Variants in PREP observed in about 807,000 individuals in gnomAD.
PREP encodes the protein prolyl endopeptidase.
In PREP, 29 loss-of-function variants were observed where a neutral mutation model predicts 87.6. The ratio of observed to expected loss-of-function variants is 0.33; its 90% CI spans 0.25 to 0.45. PREP has a LOEUF of 0.45. Ranked by LOEUF, PREP falls within the 20% of genes least tolerant of loss-of-function variation. The probability of loss-of-function intolerance (pLI) is 1.00; values close to 1 mark genes in which losing one functional copy is unlikely to be tolerated. For missense variants in PREP, 695 were observed against 886.5 expected, an observed-to-expected ratio of 0.78 and a Z score of 2.74; for synonymous variants, 337 against 328.6, an observed-to-expected ratio of 1.03 and a Z score of -0.28.
At chr6:105,309,823 G>C (rs1046048513) in intron 10 of PREP, among the ~76,000 whole-genome samples, 3 of 152,134 alleles carry the variant, frequency 2.0e-5, no homozygotes, top group Non-Finnish European at 4.4e-5. Flanking sequence ...CTTCTCAAGG[G>C]AACTTGTTTC....
intron 2 of PREP, among the ~76,000 whole-genome samples, chr6:105,382,031 G>A (rs1053709683): frequency 6.6e-5 from 10 of 151,986 alleles, no homozygotes; most frequent in African/African-American, 2.4e-4. Context: ...AAATACTGCA[G>A]TCCTACGAAA....
chr6:105,293,601 TA>T (rs199738673), intron 10 of PREP, among the ~76,000 whole-genome samples: 36,997 of 130,390 alleles, frequency 0.28, 4,471 homozygotes, highest in Middle Eastern at 0.36. Flanking sequence ...CTTCAATTTG[TA>T]AAAAAAAAAA....
intron 6 of PREP, among the ~76,000 whole-genome samples, chr6:105,363,151 GA>G (rs113349380): frequency 0.045 from 6,829 of 150,828 alleles, 234 homozygotes; most frequent in Middle Eastern, 0.082. Flanking sequence ...GATTACTTTT[GA>G]AAAAAAAACT....
chr6:105,339,197 G>A (rs561504186), intron 7 of PREP, among the ~76,000 whole-genome samples: 2 of 152,320 alleles, frequency 1.3e-5, no homozygotes, highest in East Asian at 3.9e-4. Flanking sequence ...TCCAGAGGAA[G>A]GATCAGGCAG....
intron 6 of PREP, among the ~76,000 whole-genome samples, chr6:105,366,927 G>A (rs1344272052): frequency 6.6e-6 from 1 of 152,210 alleles, no homozygotes; most frequent in East Asian, 1.9e-4. Flanking sequence ...GGTGATGGCA[G>A]TGGTGGGTGG....
intron 2 of PREP, among the ~76,000 whole-genome samples, chr6:105,391,218 T>C (rs1346591798): frequency 6.6e-6 from 1 of 151,700 alleles, no homozygotes; most frequent in Non-Finnish European, 1.5e-5. Flanking sequence ...CCGTCTCTAC[T>C]AAAAATACAA....
chr6:105,328,480 TCTTGAC>T (rs1771232419), intron 9 of PREP, among the ~76,000 whole-genome samples: 1 of 152,142 alleles, frequency 6.6e-6, no homozygotes, highest in South Asian at 2.1e-4. Flanking sequence ...GGTCTCAATC[TCTTGAC>T]CTTGTGACCC....
chr6:105,374,573 A>G (rs2114710179), intron 4 of PREP, among the ~76,000 whole-genome samples: 2 of 149,250 alleles, frequency 1.3e-5, no homozygotes, highest in South Asian at 4.2e-4. Flanking sequence ...CTAGAAAGTG[A>G]TAGGAAAAAG....
chr6:105,373,998 T>A (rs921128834), intron 4 of PREP, among the ~76,000 whole-genome samples: 5 of 152,190 alleles, frequency 3.3e-5, no homozygotes, highest in African/African-American at 1.2e-4. Flanking sequence ...TACCATATAA[T>A]AGAACTAAAT....
chr6:105,341,703 G>T (rs564681411), intron 7 of PREP, among the ~76,000 whole-genome samples: 4 of 152,126 alleles, frequency 2.6e-5, no homozygotes, highest in Non-Finnish European at 4.4e-5. Flanking sequence ...ATGATAAAGG[G>T]GATATCACCA....
intron 7 of PREP, among the ~76,000 whole-genome samples, chr6:105,339,260 C>T (rs1771567416): frequency 6.6e-6 from 1 of 152,088 alleles, no homozygotes; most frequent in African/African-American, 2.4e-5. Context: ...ACTGGTAATA[C>T]CCAGGCAAAC....
chr6:105,383,191 A>T (rs1359312015), intron 2 of PREP, among the ~76,000 whole-genome samples: 1 of 152,070 alleles, frequency 6.6e-6, no homozygotes, highest in African/African-American at 2.4e-5. Context: ...AAATGGAAAC[A>T]ATAAAAGATT....
At chr6:105,319,450 T>C (rs965180870) in intron 10 of PREP, among the ~76,000 whole-genome samples, 15 of 152,182 alleles carry the variant, frequency 9.9e-5, no homozygotes, top group African/African-American at 3.6e-4. Context: ...GAAAAGCCAA[T>C]CTCTAGCTGG....
At chr6:105,368,585 C>G (rs1197656200) in intron 6 of PREP, among the ~76,000 whole-genome samples, 1 of 152,158 alleles carries the variant, frequency 6.6e-6, no homozygotes, top group Non-Finnish European at 1.5e-5. Flanking sequence ...CCACACTCAC[C>G]TCTGAGAGGC....
chr6:105,395,212 T>C (rs1325524038), intron 2 of PREP, among the ~76,000 whole-genome samples: 1 of 152,220 alleles, frequency 6.6e-6, no homozygotes, highest in African/African-American at 2.4e-5. Flanking sequence ...GAGTGGGGGC[T>C]GGCCCAGGGT....
At chr6:105,395,903 T>C (rs1773275616) in intron 2 of PREP, among the ~76,000 whole-genome samples, 1 of 152,220 alleles carries the variant, frequency 6.6e-6, no homozygotes, top group African/African-American at 2.4e-5. Flanking sequence ...TTCTAGCCAG[T>C]ACAGGTTATG....
chr6:105,377,592 G>T (rs1772719953), intron 2 of PREP, 73 bp from the exon 3 acceptor site: 1 of 1,507,338 alleles, frequency 6.6e-7, no homozygotes, highest in Middle Eastern at 1.7e-4. Flanking sequence ...CCACTAATAT[G>T]TATCAGAAAA....
At chr6:105,376,634 T>C (rs1195650440) in intron 3 of PREP, among the ~76,000 whole-genome samples, 1 of 152,224 alleles carries the variant, frequency 6.6e-6, no homozygotes, top group East Asian at 1.9e-4. Flanking sequence ...GCAAGGCTGC[T>C]AGGGTGGAAG....
intron 2 of PREP, among the ~76,000 whole-genome samples, chr6:105,384,430 C>G (rs1411844918): frequency 6.6e-6 from 1 of 152,190 alleles, no homozygotes; most frequent in Non-Finnish European, 1.5e-5. Context: ...GGTTTACCCT[C>G]TTTCTCCATC....
Sources: allele counts gnomAD v4.1 joint callset (sites outside exome capture counted in the v4.1 genomes callset), GRCh38; gene constraint gnomAD v4.1.1; transcripts MANE v1.5; gene names NCBI Gene and HGNC (gene_info 2026-07-23, HGNC 2026-07-21).